Variants in DLC1 observed in about 807,000 individuals in gnomAD.
DLC1 encodes DLC1 Rho GTPase activating protein, also known as rho GTPase-activating protein 7.
A neutral mutation model predicts 140.3 loss-of-function variants in DLC1; 54 were observed. The ratio of observed to expected loss-of-function variants is 0.38; its 90% CI spans 0.31 to 0.48. The LOEUF is 0.48. Ranked by LOEUF, DLC1 falls within the 20% of genes least tolerant of loss-of-function variation. DLC1 has a pLI of 0.96. For synonymous variants in DLC1, 986 were observed against 728.1 expected, an observed-to-expected ratio of 1.35 and a Z score of -5.70; for missense variants, 2,536 against 1,907.0, an observed-to-expected ratio of 1.33 and a Z score of -6.14.
chr8:13,559,115 G>A (rs1804155185), intron 1 of DLC1: 1 of 152,230 alleles, frequency 6.6e-6, no homozygotes, highest in Admixed American at 6.5e-5. Flanking sequence ...TGAGATTTCA[G>A]TGGCATAATA....
chr8:13,187,594 A>T (rs536433181), intron 5 of DLC1, among the ~76,000 whole-genome samples: 2 of 152,340 alleles, frequency 1.3e-5, no homozygotes, highest in Non-Finnish European at 2.9e-5. Flanking sequence ...AGAGAAAGAC[A>T]CTTAGCCAAT....
intron 5 of DLC1, among the ~76,000 whole-genome samples, chr8:13,233,799 G>C (rs184595616): frequency 3.3e-5 from 5 of 152,120 alleles, no homozygotes; most frequent in Middle Eastern, 3.4e-3. Flanking sequence ...CAGCTGTTTG[G>C]GTATTAAATA....
At chr8:13,358,386 C>T (rs1333000383) in intron 4 of DLC1, among the ~76,000 whole-genome samples, 3 of 152,158 alleles carry the variant, frequency 2.0e-5, no homozygotes, top group Non-Finnish European at 2.9e-5. Flanking sequence ...TATATGCTCT[C>T]TGGGTAGAAG....
Position 13,305,271 on chromosome 8 carries a change from G to T in DLC1, c.1346C>A (p.Ala449Asp), listed in dbSNP as rs200549738. The T allele has an allele frequency of 2.7e-5, 44 of 1,608,062 alleles. No individual in the cohort carries two copies. Among genetic ancestry groups the T allele is most frequent in the Non-Finnish European group, 5.1e-6 (6 of 1,177,402 alleles). ...AIQGISEKEKAEIEAKEACDW... is the reference protein window; with the variant it reads ...AIQGISEKEKDEIEAKEACDW... ...ACAGAACCAAAATGTCAACTTACCA[G>T]CCTTTTCCTTCTCTGAAATACCTTG... The change falls in exon 5 of 18, where the codon GCT becomes GAT. Residue 449 changes from alanine (A) to aspartate (D), a missense_variant and splice_region_variant. Coordinates refer to ENST00000276297, the MANE Select transcript of DLC1 (RefSeq NM_182643.3).
chr8:13,566,841 C>G, intron 1 of DLC1: 1 of 1,070,094 alleles, frequency 9.3e-7, no homozygotes, highest in Non-Finnish European at 1.3e-6. Flanking sequence ...GCCCGCGTTG[C>G]CAAGACAGCT....
At position 13,099,631 on chromosome 8, in the gene DLC1, G is replaced by C; in HGVS notation, c.2706C>G (p.Ile902Met). Residue 902 changes from isoleucine (I) to methionine (M), a missense_variant, in exon 9 of 18, where the codon ATC becomes ATG. Transcript: ENST00000276297. ...GDLADLENED[I>M]FPELDDILYH... ...AGAGGATGTCGTCCAGCTCGGGGAAGATGTCCTCGTTCTCCAGATCCGCCA... is the reference window on the plus strand; with the variant it reads ...AGAGGATGTCGTCCAGCTCGGGGAACATGTCCTCGTTCTCCAGATCCGCCA... The C allele has an allele frequency of 6.2e-7, 1 of 1,614,220 alleles. No individual in the cohort carries two copies. The highest frequency in any genetic ancestry group is 1.1e-5 in the South Asian group (1 of 91,080).
At chr8:13,537,540 C>G (rs7000363) in intron 1 of DLC1, among the ~76,000 whole-genome samples, 2,345 of 151,402 alleles carry the variant, frequency 0.015, 30 homozygotes, top group South Asian at 0.051. Flanking sequence ...GGCTACGAGA[C>G]AGACACAGTT....
intron 1 of DLC1, among the ~76,000 whole-genome samples, chr8:13,591,934 C>G (rs185577022): frequency 1.3e-5 from 2 of 151,804 alleles, no homozygotes; most frequent in Non-Finnish European, 2.9e-5. Context: ...TTCAGTGTAC[C>G]TTGGATATTC....
chr8:13,284,252 C>T (rs1381274560), intron 5 of DLC1, among the ~76,000 whole-genome samples: 3 of 152,166 alleles, frequency 2.0e-5, no homozygotes, highest in South Asian at 2.1e-4. Context: ...AACGGCCTGG[C>T]GCGGTGGCTC....
intron 2 of DLC1, among the ~76,000 whole-genome samples, chr8:13,461,827 G>A (rs947731966): frequency 5.9e-5 from 9 of 152,038 alleles, no homozygotes; most frequent in African/African-American, 1.7e-4. Context: ...TCGTTACCCC[G>A]TACTATCTTC....
intron 5 of DLC1, among the ~76,000 whole-genome samples, chr8:13,285,213 C>A (rs1221886680): frequency 6.6e-6 from 1 of 152,026 alleles, no homozygotes; most frequent in Non-Finnish European, 1.5e-5. Flanking sequence ...ACCAAGATTC[C>A]AGAAGTAGAT....
intron 4 of DLC1, among the ~76,000 whole-genome samples, chr8:13,305,639 C>G (rs1196029079): frequency 6.6e-6 from 1 of 152,146 alleles, no homozygotes; most frequent in Non-Finnish European, 1.5e-5. Context: ...GAGTTTGAGA[C>G]CAGCCAGGAC....
At chr8:13,591,547 C>G (rs1805516896) in intron 1 of DLC1, among the ~76,000 whole-genome samples, 1 of 152,128 alleles carries the variant, frequency 6.6e-6, no homozygotes, top group Non-Finnish European at 1.5e-5. Context: ...AATTAAACCT[C>G]TTTTCTTCAT....
At chr8:13,286,966 T>G (rs1831555960) in intron 5 of DLC1, among the ~76,000 whole-genome samples, 1 of 152,186 alleles carries the variant, frequency 6.6e-6, no homozygotes. Context: ...TTGAGCACTC[T>G]AGAGACTGAA....
intron 2 of DLC1, among the ~76,000 whole-genome samples, chr8:13,454,391 C>T (rs1164432481): frequency 6.6e-6 from 1 of 152,072 alleles, no homozygotes; most frequent in Admixed American, 6.6e-5. Flanking sequence ...AAAACATATT[C>T]ACAAAGTACA....
At chr8:13,359,549 A>T (rs966260796) in intron 4 of DLC1, among the ~76,000 whole-genome samples, 3 of 152,166 alleles carry the variant, frequency 2.0e-5, no homozygotes, top group Admixed American at 6.5e-5. Context: ...AGTACAGCTC[A>T]ATCTAAACGA....
chr8:13,369,185 C>T (rs1333101391), intron 4 of DLC1, among the ~76,000 whole-genome samples: 3 of 152,214 alleles, frequency 2.0e-5, no homozygotes, highest in South Asian at 2.1e-4. Flanking sequence ...TCTGTAAGTG[C>T]CTACAGGCCT....
intron 2 of DLC1, among the ~76,000 whole-genome samples, chr8:13,456,142 TA>T (rs1370418951): frequency 3.9e-5 from 6 of 152,224 alleles, no homozygotes; most frequent in African/African-American, 1.4e-4. Context: ...TAGGGCTTCT[TA>T]CTCTGGGGTC....
intron 5 of DLC1, among the ~76,000 whole-genome samples, chr8:13,119,716 C>A (rs1270672699): frequency 6.6e-6 from 1 of 152,000 alleles, no homozygotes; most frequent in East Asian, 1.9e-4. Flanking sequence ...TTCTGGGAGG[C>A]CTAGGTGGGA....
Sources: allele counts gnomAD v4.1 joint callset (sites outside exome capture counted in the v4.1 genomes callset), GRCh38; gene constraint gnomAD v4.1.1; transcripts MANE v1.5; gene names NCBI Gene and HGNC (gene_info 2026-07-23, HGNC 2026-07-21).